PNPLA2: variants seen among roughly 807,000 people sequenced by gnomAD.
The protein encoded by PNPLA2 is patatin like domain 2, triacylglycerol lipase.
PNPLA2 carries 28 observed loss-of-function variants against 39.7 expected under a neutral mutation model. The observed-to-expected ratio is 0.70, with a 90% CI of 0.52 to 0.97. The LOEUF is 0.97. Ranked by LOEUF, PNPLA2 falls within the 50% of genes least tolerant of loss-of-function variation. The pLI is 0.00. For missense variants in PNPLA2, 768 were observed against 698.2 expected (o/e 1.10, Z -1.13); for synonymous variants, 392 against 321.1 (o/e 1.22, Z -2.36).
chr11:825,138 G>C lies in PNPLA2; in HGVS notation c.*276G>C. 1 of 549,090 alleles carries C rather than the reference G, an allele frequency of 1.8e-6. No individual in the cohort carries two copies. 34.0% of individuals were successfully genotyped at this position (549,090 alleles called of 1,614,324 possible). On this transcript the variant is annotated 3_prime_UTR_variant, in exon 10 of 10. Coordinates refer to ENST00000336615, the MANE Select transcript of PNPLA2 (RefSeq NM_020376.4). ...ACTTTGCAGCTGCCCTTCCCTCCCCGTTTTTCATGGCCTGCTGAAATATGT... is the reference window on the plus strand; with the variant it reads ...ACTTTGCAGCTGCCCTTCCCTCCCCCTTTTTCATGGCCTGCTGAAATATGT...
At chr11:820,212 T>A (rs978050398) in intron 2 of PNPLA2, among the ~76,000 whole-genome samples, 14 of 152,186 alleles carry the variant, frequency 9.2e-5, no homozygotes, top group Non-Finnish European at 5.9e-5. Flanking sequence ...ACCGTGAGAA[T>A]CCGAGGAGGG....
In PNPLA2 at chr11:820,127, T is replaced by G. The variant is rs28592068; in HGVS notation, c.187+222T>G. ...CGAGGGTGCCCGGGGCCCGCCTGTC[T>G]GGCGCAAAGGTTTGGGGGCGGGCAG... is the stretch of plus-strand genomic sequence containing the variant. On this transcript the variant is annotated intron_variant, in intron 2 of 9. Coordinates refer to ENST00000336615, the MANE Select transcript of PNPLA2 (RefSeq NM_020376.4). Among the ~76,000 whole-genome samples the G allele has an allele frequency of 0.96, 145,911 of 152,318 alleles. 69,924 individuals carry two copies. The highest frequency in any genetic ancestry group is 1 in the East Asian group (5,160 of 5,162).
chr11:823,893 A>G, intron 7 of PNPLA2, 38 bp downstream of exon 7: 1 of 1,557,716 alleles, frequency 6.4e-7, no homozygotes. Context: ...GAGGGGAGGC[A>G]GGAGGGAAAG....
At position 824,878 on chromosome 11, in the gene PNPLA2, G is replaced by A. The variant is rs1471525138; in HGVS notation, c.*16G>A. The A allele has an allele frequency of 3.9e-6, 6 of 1,524,028 alleles. No homozygotes were observed. The highest frequency in any genetic ancestry group is 1.7e-4 in the Middle Eastern group (1 of 5,970). 94.4% of individuals were successfully genotyped at this position (1,524,028 alleles called of 1,614,324 possible). Reference sequence around the variant, plus strand: ...GGGGCTGTGAGACCCCGACCCTCTCGAGGAACCCTGCCTGAGACGCCTCCA... The same window carrying A: ...GGGGCTGTGAGACCCCGACCCTCTCAAGGAACCCTGCCTGAGACGCCTCCA... On this transcript the variant is annotated 3_prime_UTR_variant, in exon 10 of 10. Transcript: ENST00000336615.
chr11:824,917 G>A lies in PNPLA2; in HGVS notation c.*55G>A. On this transcript the variant is annotated 3_prime_UTR_variant, in exon 10 of 10. Transcript: ENST00000336615. ...GAGACGCCTCCATTACCACTGCGCA[G>A]TGAGATGAGGGGACTCACAGTTGCC... 1 of 1,376,210 alleles carries A rather than the reference G, an allele frequency of 7.3e-7. No homozygotes were observed. The highest frequency in any genetic ancestry group is 1.0e-6 in the Non-Finnish European group (1 of 1,001,254). 85.2% of individuals were successfully genotyped at this position (1,376,210 alleles called of 1,614,324 possible).
At position 824,751 on chromosome 11, in the gene PNPLA2, T is replaced by C; in HGVS notation, c.1404T>C (p.Ala468=). The C allele has an allele frequency of 1.9e-6, 3 of 1,568,398 alleles. No individual in the cohort carries two copies. The highest frequency in any genetic ancestry group is 2.6e-6 in the Non-Finnish European group (3 of 1,164,724). ...GCATGCGCGCACCCGCCGACCCGGC[T>C]CCCGCCCCCGCGGACCCAGCATCCC... ...ALRMRAPADP[A]PAPADPASPQ... is the part of the protein sequence containing the mutation. Residue 468 remains alanine (A), a synonymous_variant, in exon 10 of 10, where the codon GCT becomes GCC. Coordinates refer to ENST00000336615, the MANE Select transcript of PNPLA2 (RefSeq NM_020376.4).
Position 823,598 on chromosome 11 carries a change from C to T in PNPLA2, c.757+11C>T. The T allele has an allele frequency of 1.9e-6, 3 of 1,609,060 alleles. No individual in the cohort carries two copies. Among genetic ancestry groups the T allele is most frequent in the Non-Finnish European group, 2.5e-6 (3 of 1,178,152 alleles). ...TTCTGCAGCGGAACGGTGCGCGGAC[C>T]CGGGCGGGAGAGGGCGGGGTGGGCT... is the stretch of plus-strand genomic sequence containing the variant. On this transcript the variant is annotated intron_variant, in intron 6 of 9. Coordinates refer to ENST00000336615, the MANE Select transcript of PNPLA2 (RefSeq NM_020376.4).
rs992313245 is a variant in PNPLA2 at position 823,792 on chromosome 11, G to T, written c.856G>T (p.Asp286Tyr). ...DQAVESAQAE[D>Y]YSQLPGEDHI... ...GGCAGTGGAGAGCGCCCAAGCGGAG[G>T]ATTACTCGCAGCTGCCCGGAGAAGA... Residue 286 changes from aspartate (D) to tyrosine (Y), a missense_variant, in exon 7 of 10, where the codon GAT becomes TAT. By Grantham distance (160) the Asp-to-Tyr change is radical (BLOSUM62 -3). Coordinates refer to ENST00000336615, the MANE Select transcript of PNPLA2 (RefSeq NM_020376.4). 2.5e-6 allele frequency: 4 copies of T among 1,607,284 alleles called. No homozygotes were observed. The highest frequency in any genetic ancestry group is 2.5e-6 in the Non-Finnish European group (3 of 1,177,820).
chr11:822,684 T>A, intron 5 of PNPLA2, 78 bp downstream of exon 5: 1 of 1,224,314 alleles, frequency 8.2e-7, no homozygotes, highest in Non-Finnish European at 1.2e-6. Context: ...ATCCTTTGAC[T>A]TCTGAGTGCC....
At position 823,785 on chromosome 11, in the gene PNPLA2, A is replaced by G; in HGVS notation, c.849A>G (p.Gln283=). 6.2e-7 allele frequency: 1 copy of G among 1,607,680 alleles called. No homozygotes were observed. Among genetic ancestry groups the G allele is most frequent in the Non-Finnish European group, 8.5e-7 (1 of 1,177,950 alleles). Residue 283 remains glutamine (Q), a synonymous_variant, in exon 7 of 10, where the codon CAA becomes CAG. Coordinates refer to ENST00000336615, the MANE Select transcript of PNPLA2 (RefSeq NM_020376.4). The part of the protein sequence containing the change: ...EDKDQAVESA[Q]AEDYSQLPGE... ...AGGACCAGGCAGTGGAGAGCGCCCA[A>G]GCGGAGGATTACTCGCAGCTGCCCG...
Position 823,683 on chromosome 11 carries a change from C to T in PNPLA2, c.758-11C>T, listed in dbSNP as rs369858435. ...TGATGAACTGAGAATCCCTTCTCTCCCCAACCCCAGGCCTCCTGAACCGGC... is the reference window on the plus strand; with the variant it reads ...TGATGAACTGAGAATCCCTTCTCTCTCCAACCCCAGGCCTCCTGAACCGGC... On this transcript the variant is annotated splice_polypyrimidine_tract_variant and intron_variant, in intron 6 of 9. Transcript: ENST00000336615. 102 of 1,605,208 alleles carry T rather than the reference C, an allele frequency of 6.4e-5. 1 individual carries two copies. In the African/African-American group the frequency reaches 1.3e-3, roughly 20 times the overall value.
Position 823,747 on chromosome 11 carries a change from G to A in PNPLA2, c.811G>A (p.Gly271Ser). ...LLALPPARPH[G>S]PEDKDQAVES... ...GGCGTTGCCCCCCGCCCGCCCCCAC[G>A]GCCCAGAGGACAAGGACCAGGCAGT... The change falls in exon 7 of 10, where the codon GGC becomes AGC. Residue 271 changes from glycine to serine, a missense_variant. By Grantham distance (56) the Gly-to-Ser change is moderately conservative. Transcript: ENST00000336615. 1 of 994,938 alleles carries A rather than the reference G, an allele frequency of 1.0e-6. No individual in the cohort carries two copies. The highest frequency in any genetic ancestry group is 1.5e-6 in the Non-Finnish European group (1 of 670,792). The allele number at this position is 994,938 out of a possible 1,614,324, so 61.6% of individuals were successfully genotyped here.
chr11:819,319 G>A (rs1271635530), intron 1 of PNPLA2: 2 of 696,714 alleles, frequency 2.9e-6, no homozygotes, highest in Non-Finnish European at 3.5e-6. Context: ...CCCCAGGCTC[G>A]GGCCTGCGCC....
intron 5 of PNPLA2, 64 bp from the exon 6 acceptor site, chr11:823,463 G>C: frequency 6.1e-6 from 9 of 1,478,614 alleles, no homozygotes; most frequent in Non-Finnish European, 9.3e-7. Flanking sequence ...GGGGTGCCAG[G>C]GATTCCAGGG....
intron 5 of PNPLA2, 44 bp from the exon 6 acceptor site, chr11:823,483 G>A (rs1323678677): frequency 1.3e-6 from 2 of 1,560,090 alleles, no homozygotes; most frequent in Non-Finnish European, 1.7e-6. Context: ...GGCAGAACGG[G>A]CATCCCTGGC....
chr11:823,405 T>G, intron 5 of PNPLA2, 122 bp from the exon 6 acceptor site: 1 of 851,486 alleles, frequency 1.2e-6, no homozygotes, highest in Non-Finnish European at 2.0e-6. Context: ...GGATCTAGGA[T>G]AGGTTTTGGG....
Position 822,552 on chromosome 11 carries a change from C to A in PNPLA2, c.642C>A (p.Phe214Leu), listed in dbSNP as rs1845703069. ...GGGTCACCAACACCAGCATCCAGTTCAACCTGCGCAACCTCTACCGCCTCT... is the reference window on the plus strand; with the variant it reads ...GGGTCACCAACACCAGCATCCAGTTAAACCTGCGCAACCTCTACCGCCTCT... ...ELRVTNTSIQFNLRNLYRLSK... is the reference protein window; with the variant it reads ...ELRVTNTSIQLNLRNLYRLSK... The change falls in exon 5 of 10, where the codon TTC becomes TTA. Residue 214 changes from phenylalanine (F) to leucine (L), a missense_variant. Physicochemically the swap from Phe to Leu is conservative, Grantham distance 22. Coordinates refer to ENST00000336615, the MANE Select transcript of PNPLA2 (RefSeq NM_020376.4). 3 of 1,614,074 alleles carry A rather than the reference C, an allele frequency of 1.9e-6. No individual in the cohort carries two copies. Among genetic ancestry groups the A allele is most frequent in the Non-Finnish European group, 2.5e-6 (3 of 1,180,038 alleles).
chr11:819,612 C>A lies in PNPLA2; in HGVS notation c.-107C>A. ...GCCAGCGGGGACCCCGAGCTAGAGCCGCAGCGGGACCTGCCCGGCCCCCGG... is the reference window on the plus strand; with the variant it reads ...GCCAGCGGGGACCCCGAGCTAGAGCAGCAGCGGGACCTGCCCGGCCCCCGG... On this transcript the variant is annotated 5_prime_UTR_variant, in exon 2 of 10. Coordinates refer to ENST00000336615, the MANE Select transcript of PNPLA2 (RefSeq NM_020376.4). 7.8e-7 allele frequency: 1 copy of A among 1,289,436 alleles called. No homozygotes were observed. Among genetic ancestry groups the A allele is most frequent in the Non-Finnish European group, 1.0e-6 (1 of 1,003,030 alleles). The allele number at this position is 1,289,436 out of a possible 1,614,324, so 79.9% of individuals were successfully genotyped here.
intron 4 of PNPLA2, 41 bp downstream of exon 4, chr11:822,064 C>T (rs760070688): frequency 9.5e-6 from 15 of 1,584,042 alleles, no homozygotes; most frequent in African/African-American, 2.7e-5. Context: ...TGGGGTGGGC[C>T]GTGGGATGAG....
Sources: gnomAD v4.1 joint callset for allele counts (sites outside exome capture counted in the v4.1 genomes callset) on GRCh38, gnomAD v4.1.1 for gene constraint, MANE v1.5 for transcripts, NCBI Gene and HGNC (gene_info 2026-07-23, HGNC 2026-07-21) for gene names.